The following PPT2 variants were observed in gnomAD, a reference collection of about 807,000 sequenced individuals.
PPT2 encodes lysosomal thioesterase PPT2.
A neutral mutation model predicts 37.3 loss-of-function variants in PPT2; 20 were observed. That is an observed-to-expected ratio of 0.54 (90% CI 0.38 to 0.78). PPT2 has a LOEUF of 0.78. Among genes scored for constraint, PPT2 ranks in the 30% least tolerant of loss-of-function variants. PPT2 has a pLI of 0.00. For missense variants in PPT2, 270 were observed against 389.8 expected, an observed-to-expected ratio of 0.69 and a Z score of 2.59; for synonymous variants, 135 against 159.1, an observed-to-expected ratio of 0.85 and a Z score of 1.14.
At position 32,155,694 on chromosome 6, in the gene PPT2, T is replaced by C; in HGVS notation, c.344T>C (p.Leu115Pro). The C allele has an allele frequency of 1.2e-6, 2 of 1,613,810 alleles. No homozygotes were observed. Among genetic ancestry groups the C allele is most frequent in the Non-Finnish European group, 1.7e-6 (2 of 1,179,954 alleles). ...VHLICYSQGG[L>P]VCRALLSVMD... ...TGTGGTGTTCTGCTTACAGGGGGCC[T>C]TGTGTGCCGGGCTCTGCTTTCTGTC... Residue 115 changes from leucine (L) to proline (P), a missense_variant, in exon 4 of 9, where the codon CTT becomes CCT. Leu to Pro is a moderately conservative substitution (Grantham distance 98). Transcript: ENST00000324816. The surrounding 1 kb of genome is among the most constrained non-coding windows in gnomAD (Gnocchi z 4.3).
chr6:32,153,728 G>GCCACT, upstream of PPT2: 1 of 1,459,836 alleles, frequency 6.9e-7, no homozygotes, highest in Non-Finnish European at 9.3e-7. The surrounding 1 kb of genome is among the most constrained non-coding windows in gnomAD (Gnocchi z 4.4). Context: ...AGGCCACCCT[G>GCCACT]CCACTCACCC....
At chr6:32,153,628 T>G (rs1209378476), upstream of PPT2, 1 of 1,583,538 alleles carries the variant, frequency 6.3e-7, no homozygotes, top group Admixed American at 1.8e-5. This position sits in a 1 kb window ranked among gnomAD's most constrained non-coding sequence, Gnocchi z 4.4. Flanking sequence ...CACTTCAGAA[T>G]GAAGAGTTGT....
chr6:32,154,188 G>A lies in PPT2; in HGVS notation c.-225G>A. The A allele has an allele frequency of 9.0e-7, 1 of 1,115,420 alleles. No individual in the cohort carries two copies. Among genetic ancestry groups the A allele is most frequent in the African/African-American group, 1.6e-5 (1 of 61,304 alleles). 69.1% of individuals were successfully genotyped at this position (1,115,420 alleles called of 1,614,324 possible). A position where few individuals can be genotyped will look rare whatever the true frequency, so the allele number is the denominator to read the frequency against. On this transcript the variant is annotated 5_prime_UTR_variant, in exon 1 of 9. Coordinates refer to ENST00000324816, the MANE Select transcript of PPT2 (RefSeq NM_005155.7). The surrounding 1 kb of genome is among the most constrained non-coding windows in gnomAD (Gnocchi z 7.3). The stretch of plus-strand genomic sequence containing the variant: ...CCTCACCCTTCCCCCCGCCACCGTG[G>A]GTTCCAGACTTGGGATAAGTAAACA...
At position 32,163,047 on chromosome 6, in the gene PPT2, C is replaced by A; in HGVS notation, c.*97C>A. The A allele has an allele frequency of 7.5e-7, 1 of 1,341,058 alleles. No individual in the cohort carries two copies. Among genetic ancestry groups the A allele is most frequent in the South Asian group, 1.4e-5 (1 of 72,282 alleles). The allele number at this position is 1,341,058 out of a possible 1,614,324, so 83.1% of individuals were successfully genotyped here. A position where few individuals can be genotyped will look rare whatever the true frequency, so the allele number is the denominator to read the frequency against. Reference sequence around the variant, plus strand: ...GGCTTTGGTGTGCCTGTGACCACCTCATTGCTCCCATATTATCCCCCATTT... The same window carrying A: ...GGCTTTGGTGTGCCTGTGACCACCTAATTGCTCCCATATTATCCCCCATTT... On this transcript the variant is annotated 3_prime_UTR_variant, in exon 9 of 9. Coordinates refer to ENST00000324816, the MANE Select transcript of PPT2 (RefSeq NM_005155.7).
Position 32,159,602 on chromosome 6 carries a change from T to A in PPT2, c.710+1678T>A, listed in dbSNP as rs75165078. ...GACATCTCTTAAAATATTGTAATAA[T>A]ATAATAGTAAGTGATGAGTTTTATG... On this transcript the variant is annotated intron_variant, in intron 7 of 8. Coordinates refer to ENST00000324816, the MANE Select transcript of PPT2 (RefSeq NM_005155.7). Among the ~76,000 whole-genome samples the A allele has an allele frequency of 8.0e-3, 1,212 of 151,550 alleles. 10 individuals are homozygous for A. The highest frequency in any genetic ancestry group is 0.027 in the African/African-American group (1,128 of 41,272).
chr6:32,157,309 C>T (rs1006454391), intron 5 of PPT2: 7 of 406,500 alleles, frequency 1.7e-5, no homozygotes, highest in Non-Finnish European at 2.7e-5. Context: ...TAACCTCCAC[C>T]TCCTGGGTTC....
intron 7 of PPT2, among the ~76,000 whole-genome samples, chr6:32,158,988 T>C (rs1005190049): frequency 6.6e-6 from 1 of 152,180 alleles, no homozygotes; most frequent in Admixed American, 6.5e-5. Context: ...CTTTTTTTTG[T>C]GATAAAATAT....
In PPT2 at chr6:32,162,443, C is replaced by A; in HGVS notation, c.711-125C>A. 2.1e-6 allele frequency: 2 copies of A among 942,622 alleles called. No homozygotes were observed. Among genetic ancestry groups the A allele is most frequent in the Non-Finnish European group, 1.7e-6 (1 of 589,250 alleles). 58.4% of individuals were successfully genotyped at this position (942,622 alleles called of 1,614,324 possible). ...CCATTTTGGTCAGGCTGGTCTTGAA[C>A]TCCTGGCCTCAGGTGATTTGCCCTC... On this transcript the variant is annotated intron_variant, in intron 7 of 8. Coordinates refer to ENST00000324816, the MANE Select transcript of PPT2 (RefSeq NM_005155.7). This position sits in a 1 kb window ranked among gnomAD's most constrained non-coding sequence, Gnocchi z 5.5.
rs922091695 is a variant in PPT2, at chr6:32,155,839, A to G, written c.434-32A>G. On this transcript the variant is annotated intron_variant, in intron 4 of 8. Coordinates refer to ENST00000324816, the MANE Select transcript of PPT2 (RefSeq NM_005155.7). The surrounding 1 kb of genome is among the most constrained non-coding windows in gnomAD (Gnocchi z 4.3). The stretch of plus-strand genomic sequence containing the variant: ...CTGAGTTTTGGGGGAACAGAGGTTT[A>G]TGGTCACTTAGCATTGCCATTCGCT... 1 of 1,611,128 alleles carries G rather than the reference A, an allele frequency of 6.2e-7. No individual in the cohort carries two copies. Among genetic ancestry groups the G allele is most frequent in the African/African-American group, 1.3e-5 (1 of 74,830 alleles).
chr6:32,153,834 C>T, upstream of PPT2: 1 of 1,038,206 alleles, frequency 9.6e-7, no homozygotes, highest in Middle Eastern at 3.2e-4. This position sits in a 1 kb window ranked among gnomAD's most constrained non-coding sequence, Gnocchi z 4.4. Context: ...CGGAGCCAGA[C>T]GCCTGTATTG....
In PPT2 at chr6:32,155,582, CTCTG is replaced by C. The variant is rs1362674715; in HGVS notation, c.338-104_338-101del. The C allele has an allele frequency of 9.6e-5, 63 of 652,856 alleles. 1 individual carries two copies. The African/African-American group carries it at 1.6e-3, about 17-fold the overall frequency. The allele number at this position is 652,856 out of a possible 1,614,324, so 40.4% of individuals were successfully genotyped here. On this transcript the variant is annotated intron_variant, in intron 3 of 8. Transcript: ENST00000324816. The surrounding 1 kb of genome is among the most constrained non-coding windows in gnomAD (Gnocchi z 4.3). Reference sequence around the variant, plus strand: ...GTGTACAGTGTGTGTCTGTGTGTGTCTCTGTGTGTGTGTGTGTGTGTGTGTGTGT... The same window carrying C: ...GTGTACAGTGTGTGTCTGTGTGTGTCTGTGTGTGTGTGTGTGTGTGTGTGT...
intron 7 of PPT2, among the ~76,000 whole-genome samples, chr6:32,158,714 C>G (rs537468777): frequency 2.0e-5 from 3 of 152,138 alleles, no homozygotes; most frequent in African/African-American, 7.2e-5. Context: ...CAATAGTGGC[C>G]GAAGAAGTCC....
Position 32,155,829 on chromosome 6 carries a change from A to G in PPT2, c.434-42A>G, listed in dbSNP as rs747815035. The G allele has an allele frequency of 3.7e-6, 6 of 1,611,028 alleles. No homozygotes were observed. Among genetic ancestry groups the G allele is most frequent in the Admixed American group, 3.3e-5 (2 of 59,984 alleles). Reference sequence around the variant, plus strand: ...ATAGAATGCCCTGAGTTTTGGGGGAACAGAGGTTTATGGTCACTTAGCATT... The same window carrying G: ...ATAGAATGCCCTGAGTTTTGGGGGAGCAGAGGTTTATGGTCACTTAGCATT... On this transcript the variant is annotated intron_variant, in intron 4 of 8. Coordinates refer to ENST00000324816, the MANE Select transcript of PPT2 (RefSeq NM_005155.7). The surrounding 1 kb of genome is among the most constrained non-coding windows in gnomAD (Gnocchi z 4.3).
upstream of PPT2, chr6:32,153,766 C>G: frequency 8.1e-7 from 1 of 1,242,072 alleles, no homozygotes; most frequent in Non-Finnish European, 1.1e-6. The surrounding 1 kb of genome is among the most constrained non-coding windows in gnomAD (Gnocchi z 4.4). Context: ...AGAGGACTAC[C>G]TTTCCCTGGT....
Position 32,155,620 on chromosome 6 carries a change from TG to T in PPT2, c.338-63del, listed in dbSNP as rs1467588681. 6.3e-6 allele frequency: 5 copies of T among 789,198 alleles called. No individual in the cohort carries two copies. In the African/African-American group the frequency reaches 1.2e-4, roughly 19 times the overall value. The allele number at this position is 789,198 out of a possible 1,614,324, so 48.9% of individuals were successfully genotyped here. On this transcript the variant is annotated intron_variant, in intron 3 of 8. Coordinates refer to ENST00000324816, the MANE Select transcript of PPT2 (RefSeq NM_005155.7). The surrounding 1 kb of genome is among the most constrained non-coding windows in gnomAD (Gnocchi z 4.3). Reference sequence around the variant, plus strand: ...TGTGTGTGTGTGTGTGTGTGTGTGGTGGGGGTGGGGGGTGCTGCTGGCTTTG... The same window carrying T: ...TGTGTGTGTGTGTGTGTGTGTGTGGTGGGGTGGGGGGTGCTGCTGGCTTTG...
rs1416740599 is a variant in PPT2 at position 32,156,242 on chromosome 6, A to G, written c.541+264A>G. Among the ~76,000 whole-genome samples the G allele has an allele frequency of 6.6e-6, 1 of 151,888 alleles. No individual in the cohort carries two copies. The highest frequency in any genetic ancestry group is 1.5e-5 in the Non-Finnish European group (1 of 68,008). Reference sequence around the variant, plus strand: ...TGCCTCAGTCCCCCTAGTAGCTGGGATTACAGGCAGGCGCCATCATGCCCG... The same window carrying G: ...TGCCTCAGTCCCCCTAGTAGCTGGGGTTACAGGCAGGCGCCATCATGCCCG... On this transcript the variant is annotated intron_variant, in intron 5 of 8. Coordinates refer to ENST00000324816, the MANE Select transcript of PPT2 (RefSeq NM_005155.7). This position sits in a 1 kb window ranked among gnomAD's most constrained non-coding sequence, Gnocchi z 4.9.
upstream of PPT2, chr6:32,153,745 C>T: frequency 7.3e-7 from 1 of 1,366,592 alleles, no homozygotes. The surrounding 1 kb of genome is among the most constrained non-coding windows in gnomAD (Gnocchi z 4.4). Context: ...ACCCAGCACA[C>T]GGCAAAATGC....
rs10947233 is a variant in PPT2 at position 32,156,647 on chromosome 6, G to T, written c.541+669G>T. On this transcript the variant is annotated intron_variant, in intron 5 of 8. Coordinates refer to ENST00000324816, the MANE Select transcript of PPT2 (RefSeq NM_005155.7). The surrounding 1 kb of genome is among the most constrained non-coding windows in gnomAD (Gnocchi z 4.9). Reference sequence around the variant, plus strand: ...CAAAAACAAGTAGCAGGCTGGATTTGGTCCTTTGGTCACAGTTTGCCAACC... The same window carrying T: ...CAAAAACAAGTAGCAGGCTGGATTTTGTCCTTTGGTCACAGTTTGCCAACC... Among the ~76,000 whole-genome samples, 5,462 of 152,180 alleles carry T rather than the reference G, an allele frequency of 0.036. 205 individuals are homozygous for T. Among genetic ancestry groups the T allele is most frequent in the East Asian group, 0.21 (1,077 of 5,180 alleles).
In PPT2 at chr6:32,155,774, C is replaced by T; in HGVS notation, c.424C>T (p.Gln142Ter). The change falls in exon 4 of 9, where the codon CAG becomes TAG. Residue 142 changes from glutamine to a stop codon, truncating the protein, a stop_gained. Transcript: ENST00000324816. LOFTEE classifies it high-confidence loss of function. The surrounding 1 kb of genome is among the most constrained non-coding windows in gnomAD (Gnocchi z 4.3). The part of the protein sequence containing the change: ...FISLSSPQMG[Q>*]YGDTDYLKWL... ...CTCCCTCTCCTCTCCACAGATGGGACAGTATGGAGGTGAGTGGGCACTAGA... is the reference window on the plus strand; with the variant it reads ...CTCCCTCTCCTCTCCACAGATGGGATAGTATGGAGGTGAGTGGGCACTAGA... 2 of 1,613,648 alleles carry T rather than the reference C, an allele frequency of 1.2e-6. No homozygotes were observed. Among genetic ancestry groups the T allele is most frequent in the Non-Finnish European group, 1.7e-6 (2 of 1,179,574 alleles).
Sources: allele counts gnomAD v4.1 joint callset (sites outside exome capture counted in the v4.1 genomes callset), GRCh38; gene constraint gnomAD v4.1.1; non-coding constraint Gnocchi (gnomAD v3.1); transcripts MANE v1.5; gene names NCBI Gene and HGNC (gene_info 2026-07-23, HGNC 2026-07-21).